GRM5: variants seen among roughly 807,000 people sequenced by gnomAD.
The protein encoded by GRM5 is glutamate metabotropic receptor 5, also known as metabotropic glutamate receptor 5.
Under a neutral mutation model 83.1 loss-of-function variants are expected in GRM5, and 19 were observed. The ratio of observed to expected loss-of-function variants is 0.23; its 90% CI spans 0.16 to 0.34. The LOEUF is 0.34. Ranked by LOEUF, GRM5 falls within the 10% of genes least tolerant of loss-of-function variation. GRM5 has a pLI of 1.00. For missense variants in GRM5, 1,160 were observed against 1,588.3 expected (o/e 0.73, Z 4.58); for synonymous variants, 675 against 633.6 (o/e 1.07, Z -0.98).
intron 3 of GRM5, among the ~76,000 whole-genome samples, chr11:88,742,179 G>C (rs11021138): frequency 0.017 from 2,521 of 151,980 alleles, 44 homozygotes; most frequent in East Asian, 0.069. Context: ...TGGTCATGTA[G>C]TTCAATCTCT....
rs529008853 is a variant in GRM5 at position 88,579,714 on chromosome 11, C to T, written c.1690+10887G>A. On this transcript the variant is annotated intron_variant, in intron 7 of 9. Transcript: ENST00000305447. ...GAAGTGAAGGGAAAAGTAGGTCAGA[C>T]ACATGACAGAAGACCAGGTCATACA... Among the ~76,000 whole-genome samples the T allele has an allele frequency of 1.9e-4, 29 of 152,262 alleles. No homozygotes were observed. In the South Asian group the frequency reaches 4.6e-3, roughly 24 times the overall value.
chr11:88,878,606 C>T (rs1302988862), intron 2 of GRM5, among the ~76,000 whole-genome samples: 1 of 152,180 alleles, frequency 6.6e-6, no homozygotes, highest in Non-Finnish European at 1.5e-5. Context: ...GTGGTGTGCA[C>T]TCTTTTTATC....
intron 8 of GRM5, among the ~76,000 whole-genome samples, chr11:88,533,937 C>G (rs1458598397): frequency 1.3e-5 from 2 of 152,092 alleles, no homozygotes; most frequent in Non-Finnish European, 1.5e-5. Context: ...TGAAATGGGT[C>G]AACATAGAAC....
At chr11:88,534,361 C>T (rs1942086536) in intron 8 of GRM5, among the ~76,000 whole-genome samples, 1 of 152,222 alleles carries the variant, frequency 6.6e-6, no homozygotes, top group African/African-American at 2.4e-5. Flanking sequence ...ACAGGTGGAG[C>T]TGCCTAAGAC....
At chr11:88,982,175 C>A (rs541841610) in intron 2 of GRM5, among the ~76,000 whole-genome samples, 1 of 152,210 alleles carries the variant, frequency 6.6e-6, no homozygotes, top group Non-Finnish European at 1.5e-5. Context: ...CAGCTGGTCA[C>A]TAAAATTATT....
At chr11:88,691,555 A>G (rs943225357) in intron 3 of GRM5, among the ~76,000 whole-genome samples, 6 of 152,132 alleles carry the variant, frequency 3.9e-5, no homozygotes, top group African/African-American at 1.2e-4. Flanking sequence ...TCCTGATCAT[A>G]CTTCTCACCT....
intron 3 of GRM5, among the ~76,000 whole-genome samples, chr11:88,754,732 T>TATCATC (rs796643006): frequency 1.3e-5 from 2 of 152,152 alleles, no homozygotes; most frequent in African/African-American, 4.8e-5. Context: ...ACATATTAAC[T>TATCATC]ATCATCATCA....
chr11:88,951,800 TA>T (rs1031707380), intron 2 of GRM5, among the ~76,000 whole-genome samples: 101 of 152,346 alleles, frequency 6.6e-4, no homozygotes, highest in African/African-American at 2.3e-3. Flanking sequence ...TCATAGTTAC[TA>T]ATGACTGATT....
intron 2 of GRM5, among the ~76,000 whole-genome samples, chr11:88,947,728 G>A (rs371172537): frequency 1.4e-4 from 22 of 152,142 alleles, no homozygotes; most frequent in African/African-American, 4.6e-4. Flanking sequence ...GGGGAAGAGG[G>A]GTCACCAGGG....
At chr11:88,919,834 T>TA (rs1350357501) in intron 2 of GRM5, among the ~76,000 whole-genome samples, 5 of 151,852 alleles carry the variant, frequency 3.3e-5, no homozygotes, top group African/African-American at 1.2e-4. Flanking sequence ...ACAAAAGTTT[T>TA]AAAAATTCAT....
At chr11:88,759,560 C>A (rs1381352836) in intron 3 of GRM5, among the ~76,000 whole-genome samples, 1 of 152,120 alleles carries the variant, frequency 6.6e-6, no homozygotes, top group African/African-American at 2.4e-5. Flanking sequence ...AATACAAGAG[C>A]ACCCTGATTC....
intron 8 of GRM5, among the ~76,000 whole-genome samples, chr11:88,533,761 T>G (rs1461986419): frequency 6.6e-6 from 1 of 151,968 alleles, no homozygotes; most frequent in Non-Finnish European, 1.5e-5. Flanking sequence ...CCCAAGACAA[T>G]GGGGAAAATG....
intron 3 of GRM5, among the ~76,000 whole-genome samples, chr11:88,727,220 AATCAGGGGTTGCAATCCTAGTCTCTGAT>A (rs1941705114): frequency 6.6e-6 from 1 of 152,186 alleles, no homozygotes; most frequent in East Asian, 1.9e-4. Context: ...GGAAAACAGA[AATCAGGGGTTGCAATCCTAGTCTCTGAT>A]AAAACAGACT....
At chr11:88,510,285 G>A (rs1335853571) in intron 9 of GRM5, among the ~76,000 whole-genome samples, 1 of 152,208 alleles carries the variant, frequency 6.6e-6, no homozygotes, top group Non-Finnish European at 1.5e-5. Flanking sequence ...TAGGATCCTG[G>A]TGAATATTGA....
intron 1 of GRM5, among the ~76,000 whole-genome samples, chr11:89,052,054 A>G (rs1941772644): frequency 6.6e-6 from 1 of 151,700 alleles, no homozygotes; most frequent in Non-Finnish European, 1.5e-5. Context: ...GTGCATTTTG[A>G]CAGCATTAAT....
intron 3 of GRM5, among the ~76,000 whole-genome samples, chr11:88,724,864 T>C (rs1006635380): frequency 4.6e-5 from 7 of 152,118 alleles, no homozygotes; most frequent in African/African-American, 1.7e-4. Flanking sequence ...AAACGGTGGA[T>C]TCTGGCCCAG....
At chr11:88,607,210 TC>T (rs1026355509) in intron 4 of GRM5, among the ~76,000 whole-genome samples, 5 of 152,192 alleles carry the variant, frequency 3.3e-5, no homozygotes, top group African/African-American at 1.2e-4. Context: ...ACAATTTCCT[TC>T]CCCACACAGA....
intron 2 of GRM5, among the ~76,000 whole-genome samples, chr11:88,851,880 C>T (rs1278864354): frequency 6.6e-6 from 1 of 152,132 alleles, no homozygotes; most frequent in Non-Finnish European, 1.5e-5. Context: ...GGTGGGCAAT[C>T]TAGTTATTTT....
chr11:88,809,783 TGAG>T (rs1029657788), intron 3 of GRM5, among the ~76,000 whole-genome samples: 2 of 151,334 alleles, frequency 1.3e-5, no homozygotes, highest in Non-Finnish European at 3.0e-5. Flanking sequence ...AAAAAAAAGT[TGAG>T]GAGATTCTTC....
Sources: gnomAD v4.1 joint callset for allele counts (sites outside exome capture counted in the v4.1 genomes callset) on GRCh38, gnomAD v4.1.1 for gene constraint, MANE v1.5 for transcripts, NCBI Gene and HGNC (gene_info 2026-07-23, HGNC 2026-07-21) for gene names.